The following DNAH12 variants were observed in gnomAD, a reference collection of about 807,000 sequenced individuals.
DNAH12 encodes dynein axonemal heavy chain 12, also known as axonemal beta dynein heavy chain 12.
In DNAH12, 285 loss-of-function variants were observed where a neutral mutation model predicts 371.5. The observed-to-expected ratio is 0.77, with a 90% CI of 0.70 to 0.85. The LOEUF (loss-of-function observed/expected upper bound fraction) is 0.85, where lower values mean the gene tolerates loss of function less well. DNAH12 is among the 40% of genes least tolerant of loss of function. The pLI, the probability that DNAH12 is intolerant of heterozygous loss-of-function variation, is 0.00. For synonymous variants in DNAH12, 1,200 were observed against 1,213.0 expected, an observed-to-expected ratio of 0.99 and a Z score of 0.22; for missense variants, 3,611 against 3,689.4, an observed-to-expected ratio of 0.98 and a Z score of 0.55.
chr3:57,446,713 A>T, intron 25 of DNAH12, 24 bp from the exon 26 acceptor site: 2 of 1,468,224 alleles, frequency 1.4e-6, no homozygotes, highest in Non-Finnish European at 1.8e-6. Flanking sequence ...CACATGTGAA[A>T]AGAAATCCAT....
chr3:57,360,071 T>C (rs1338124631), intron 58 of DNAH12, among the ~76,000 whole-genome samples: 3 of 152,130 alleles, frequency 2.0e-5, no homozygotes, highest in Non-Finnish European at 4.4e-5. Context: ...TCTCTTCGAG[T>C]CTTAATAGGA....
At chr3:57,322,962 G>C in intron 64 of DNAH12, 45 bp downstream of exon 64, 7 of 1,535,886 alleles carry the variant, frequency 4.6e-6, no homozygotes, top group Non-Finnish European at 6.1e-6. Context: ...AAGATATACA[G>C]ATAGCTAAGT....
chr3:57,515,491 T>C (rs1230639929), intron 4 of DNAH12, among the ~76,000 whole-genome samples: 6 of 152,066 alleles, frequency 3.9e-5, no homozygotes, highest in African/African-American at 1.4e-4. Flanking sequence ...ATGCCTGTAA[T>C]CCCAGCTACT....
At chr3:57,478,944 C>T (rs1036825634) in intron 13 of DNAH12, among the ~76,000 whole-genome samples, 2 of 152,184 alleles carry the variant, frequency 1.3e-5, no homozygotes, top group African/African-American at 4.8e-5. Context: ...TGGAAAGGAA[C>T]AATCAGTACC....
chr3:57,525,410 C>T (rs1367615046), intron 2 of DNAH12, among the ~76,000 whole-genome samples: 2 of 152,070 alleles, frequency 1.3e-5, no homozygotes. Flanking sequence ...ATCCTCTCAG[C>T]AATATCAAGC....
rs572764329 is a variant in DNAH12, at chr3:57,338,098, C to A, written c.9675-3158G>T. On this transcript the variant is annotated intron_variant, in intron 60 of 73. Transcript: ENST00000495027. ...CGTGATCTTGGCTCGCTGCAACCTC[C>A]CTGCCTCGGGCTCCCGTGATTCTCC... Among the ~76,000 whole-genome samples, 47 of 152,318 alleles carry A rather than the reference C, an allele frequency of 3.1e-4. 1 individual carries two copies. In the Middle Eastern group the frequency reaches 0.014, roughly 44 times the overall value.
chr3:57,365,811 T>C (rs1447644867), intron 57 of DNAH12, among the ~76,000 whole-genome samples: 2 of 151,694 alleles, frequency 1.3e-5, no homozygotes, highest in Admixed American at 6.6e-5. Flanking sequence ...TATGCTGCTT[T>C]TTCCTTCTTT....
At chr3:57,500,476 T>A (rs1178775046) in intron 11 of DNAH12, among the ~76,000 whole-genome samples, 1 of 152,224 alleles carries the variant, frequency 6.6e-6, no homozygotes, top group Non-Finnish European at 1.5e-5. Context: ...TCGAACTTCA[T>A]CATATTCTAA....
intron 4 of DNAH12, among the ~76,000 whole-genome samples, chr3:57,518,062 G>T (rs2068264645): frequency 6.7e-6 from 1 of 149,958 alleles, no homozygotes; most frequent in African/African-American, 2.5e-5. Context: ...TCAAAAAACA[G>T]AAAACATAAA....
At position 57,309,628 on chromosome 3, in the gene DNAH12, TTTATA is replaced by T. The variant is rs1184376428; in HGVS notation, c.11085+33_11085+37del. 7 of 1,397,456 alleles carry T rather than the reference TTTATA, an allele frequency of 5.0e-6. No individual in the cohort carries two copies. The South Asian group carries it at 7.0e-5, about 14-fold the overall frequency. 86.6% of individuals were successfully genotyped at this position (1,397,456 alleles called of 1,614,324 possible). A position where few individuals can be genotyped will look rare whatever the true frequency, so the allele number is the denominator to read the frequency against. On this transcript the variant is annotated intron_variant, in intron 68 of 73. Coordinates refer to ENST00000495027, the MANE Select transcript of DNAH12 (RefSeq NM_001366028.2). The stretch of plus-strand genomic sequence containing the variant: ...GATTGTCATTTCAGTATCATTTTTA[TTTATA>T]TTATAAGTAACATATTTTAAGCTGA...
chr3:57,399,923 C>T (rs2063822473), intron 43 of DNAH12, among the ~76,000 whole-genome samples: 1 of 152,102 alleles, frequency 6.6e-6, no homozygotes, highest in Non-Finnish European at 1.5e-5. Flanking sequence ...ACATGTTAAT[C>T]AAATGTTTAT....
At chr3:57,416,988 C>T (rs545124870) in intron 37 of DNAH12, among the ~76,000 whole-genome samples, 64 of 152,190 alleles carry the variant, frequency 4.2e-4, no homozygotes, top group African/African-American at 1.4e-3. Context: ...CGGTGGCACA[C>T]GCCTGTAATC....
At chr3:57,324,463 G>A (rs941505139) in intron 62 of DNAH12, among the ~76,000 whole-genome samples, 4 of 152,170 alleles carry the variant, frequency 2.6e-5, no homozygotes, top group African/African-American at 4.8e-5. Flanking sequence ...TTGCTGTGAA[G>A]GTATTTTTGG....
At chr3:57,492,831 C>T (rs2067176502) in intron 11 of DNAH12, among the ~76,000 whole-genome samples, 1 of 151,950 alleles carries the variant, frequency 6.6e-6, no homozygotes, top group African/African-American at 2.4e-5. Context: ...ATGGTGAAAC[C>T]CTGTCTCTAC....
chr3:57,298,829 A>G (rs1195145142), intron 70 of DNAH12, among the ~76,000 whole-genome samples: 1 of 152,172 alleles, frequency 6.6e-6, no homozygotes, highest in Non-Finnish European at 1.5e-5. Flanking sequence ...TTTTCTTTAG[A>G]TACATGGCTT....
At chr3:57,465,664 A>C (rs1333210070) in intron 17 of DNAH12, among the ~76,000 whole-genome samples, 2 of 152,170 alleles carry the variant, frequency 1.3e-5, no homozygotes, top group Non-Finnish European at 2.9e-5. Flanking sequence ...GCAAGGCAAA[A>C]GCTATCATAA....
At chr3:57,427,138 A>ATGTGTGTGTTTGTG (rs1553688390) in intron 34 of DNAH12, among the ~76,000 whole-genome samples, 4 of 138,784 alleles carry the variant, frequency 2.9e-5, no homozygotes, top group African/African-American at 1.1e-4. Flanking sequence ...TAAGAAGCGA[A>ATGTGTGTGTTTGTG]TGTGTGTGTG....
Position 57,390,357 on chromosome 3 carries a change from G to A in DNAH12, c.7305+1515C>T, listed in dbSNP as rs2063589270. Among the ~76,000 whole-genome samples the A allele has an allele frequency of 3.3e-5, 4 of 120,660 alleles. No homozygotes were observed. In the South Asian group the frequency reaches 1.3e-3, roughly 38 times the overall value. 79.2% of individuals were successfully genotyped at this position (120,660 alleles called of 152,430 possible). A position where few individuals can be genotyped will look rare whatever the true frequency, so the allele number is the denominator to read the frequency against. ...GAGCCCAGGAGGCAGAGGTTTCAGT[G>A]AGCTGTGATTGCACCAGTGCACTCC... is the stretch of plus-strand genomic sequence containing the variant. On this transcript the variant is annotated intron_variant, in intron 45 of 73. Transcript: ENST00000495027.
intron 62 of DNAH12, among the ~76,000 whole-genome samples, chr3:57,324,197 T>G (rs1056569046): frequency 1.3e-5 from 2 of 152,222 alleles, no homozygotes; most frequent in African/African-American, 4.8e-5. Flanking sequence ...AGAGCTTCCC[T>G]GTCAGCCCTT....
Sources: gnomAD v4.1 joint callset for allele counts (sites outside exome capture counted in the v4.1 genomes callset) on GRCh38, gnomAD v4.1.1 for gene constraint, MANE v1.5 for transcripts, NCBI Gene and HGNC (gene_info 2026-07-23, HGNC 2026-07-21) for gene names.